Variants in TENM2 observed in about 807,000 individuals in gnomAD.
TENM2 encodes teneurin transmembrane protein 2.
A neutral mutation model predicts 245.2 loss-of-function variants in TENM2; 52 were observed. The observed-to-expected ratio is 0.21, with a 90% CI of 0.17 to 0.27. TENM2 has a LOEUF of 0.27. TENM2 is among the 10% of genes least tolerant of loss of function. TENM2 has a pLI of 1.00. For synonymous variants in TENM2, 1,363 were observed against 1,438.9 expected (o/e 0.95, Z 1.19); for missense variants, 3,046 against 3,666.8 (o/e 0.83, Z 4.37).
In TENM2 at chr5:167,840,555, C is replaced by T. The variant is rs144109815; in HGVS notation, c.503-35431C>T. On this transcript the variant is annotated intron_variant, in intron 2 of 28. Transcript: ENST00000518659. ...CTCCCCTCCTTCCTCCCCCAGCCCCCCACAATGTTAACTGAGAACCTGATA... is the reference window on the plus strand; with the variant it reads ...CTCCCCTCCTTCCTCCCCCAGCCCCTCACAATGTTAACTGAGAACCTGATA... Among the ~76,000 whole-genome samples, 239 of 152,194 alleles carry T rather than the reference C, an allele frequency of 1.6e-3. 1 individual carries two copies. The highest frequency in any genetic ancestry group is 4.9e-3 in the African/African-American group (205 of 41,504).
chr5:167,992,824 G>T (rs765228454), intron 4 of TENM2, 120 bp from the exon 7 acceptor site: 13 of 710,554 alleles, frequency 1.8e-5, no homozygotes, highest in Non-Finnish European at 3.1e-5. Context: ...TTCCACTCCA[G>T]GGTAAGCTTA....
At chr5:167,701,402 T>C (rs1031345008) in intron 2 of TENM2, among the ~76,000 whole-genome samples, 1 of 152,046 alleles carries the variant, frequency 6.6e-6, no homozygotes, top group Non-Finnish European at 1.5e-5. Flanking sequence ...TGTTTGTTTT[T>C]TTTTTTTACA....
chr5:168,005,110 A>G (rs2152057547), intron 5 of TENM2, among the ~76,000 whole-genome samples: 1 of 152,286 alleles, frequency 6.6e-6, no homozygotes, highest in East Asian at 1.9e-4. Flanking sequence ...TTTCTTCAAA[A>G]CTATCAGGAA....
At chr5:167,206,705 T>C in the TENM2 span, among the ~76,000 whole-genome samples, 2 of 152,210 alleles carry the variant, frequency 1.3e-5, no homozygotes, top group Non-Finnish European at 2.9e-5. Context: ...CAGGTTTGGA[T>C]ATATTTTTAA....
At chr5:167,248,357 G>A in the TENM2 span, among the ~76,000 whole-genome samples, 1 of 152,164 alleles carries the variant, frequency 6.6e-6, no homozygotes, top group African/African-American at 2.4e-5. Flanking sequence ...TCACTTCTAA[G>A]GGTAGTGGTT....
At chr5:167,958,151 G>C (rs1440868384) in intron 4 of TENM2, among the ~76,000 whole-genome samples, 2 of 152,146 alleles carry the variant, frequency 1.3e-5, no homozygotes, top group African/African-American at 4.8e-5. Flanking sequence ...ATGAATCTGG[G>C]TGCTCCTGTA....
At chr5:167,547,491 G>A (rs1408552816) in intron 2 of TENM2, among the ~76,000 whole-genome samples, 3 of 152,164 alleles carry the variant, frequency 2.0e-5, no homozygotes, top group African/African-American at 7.2e-5. Flanking sequence ...TTTGTTTTTC[G>A]AAATATTTTG....
At chr5:167,650,954 C>G (rs75979397) in intron 2 of TENM2, among the ~76,000 whole-genome samples, 4,879 of 152,200 alleles carry the variant, frequency 0.032, 142 homozygotes, top group Non-Finnish European at 0.049. Flanking sequence ...GGAGTCACAA[C>G]TTCTACATAT....
intron 3 of TENM2, among the ~76,000 whole-genome samples, chr5:167,881,162 T>C (rs1248200306): frequency 1.3e-5 from 2 of 152,232 alleles, no homozygotes; most frequent in Non-Finnish European, 1.5e-5. Context: ...TGAGATATTG[T>C]AAATTTTCTT....
chr5:167,062,056 C>T, the TENM2 span, among the ~76,000 whole-genome samples: 1 of 151,906 alleles, frequency 6.6e-6, no homozygotes, highest in East Asian at 1.9e-4. Context: ...GGCTTCATGG[C>T]ACTTAGTAAT....
chr5:168,260,184 C>T, intron 27 of TENM2, 99 bp from the exon 30 acceptor site: 1 of 1,361,078 alleles, frequency 7.3e-7, no homozygotes, highest in Non-Finnish European at 1.0e-6. Flanking sequence ...TTGGGCCCTA[C>T]ACCCAACCAC....
intron 5 of TENM2, among the ~76,000 whole-genome samples, chr5:168,007,405 A>C (rs1403653125): frequency 6.6e-6 from 1 of 152,198 alleles, no homozygotes; most frequent in African/African-American, 2.4e-5. Context: ...CTGGGATTCC[A>C]GGTGTGAGCC....
chr5:168,114,266 A>C (rs1214224779), intron 9 of TENM2, among the ~76,000 whole-genome samples: 3 of 152,168 alleles, frequency 2.0e-5, no homozygotes, highest in Non-Finnish European at 4.4e-5. Context: ...TCTTGCCAAA[A>C]TCCACAGCTG....
At chr5:167,653,507 T>A (rs1017406222) in intron 2 of TENM2, 5 of 152,212 alleles carry the variant, frequency 3.3e-5, no homozygotes, top group African/African-American at 4.8e-5. Flanking sequence ...TATCTCATAT[T>A]TCCCACTTTT....
At chr5:167,650,862 G>C (rs1392819101) in intron 2 of TENM2, among the ~76,000 whole-genome samples, 2 of 152,242 alleles carry the variant, frequency 1.3e-5, no homozygotes, top group South Asian at 2.1e-4. Context: ...ACCAATGCAT[G>C]TAAACAGTCT....
chr5:167,035,692 A>G, the TENM2 span, among the ~76,000 whole-genome samples: 1 of 152,216 alleles, frequency 6.6e-6, no homozygotes, highest in Non-Finnish European at 1.5e-5. Context: ...AAGTGGGAAA[A>G]GGGGAGACAG....
At chr5:167,278,816 T>C in the TENM2 span, among the ~76,000 whole-genome samples, 1 of 152,228 alleles carries the variant, frequency 6.6e-6, no homozygotes, top group Non-Finnish European at 1.5e-5. Flanking sequence ...CAAAAAATTC[T>C]TAAAAACTCA....
chr5:167,160,603 C>G, the TENM2 span, among the ~76,000 whole-genome samples: 1 of 152,262 alleles, frequency 6.6e-6, no homozygotes, highest in Non-Finnish European at 1.5e-5. Flanking sequence ...CAGGCCTCAG[C>G]TTAATTGTCA....
At chr5:167,651,366 G>C (rs1754450638) in intron 2 of TENM2, among the ~76,000 whole-genome samples, 1 of 151,690 alleles carries the variant, frequency 6.6e-6, no homozygotes, top group South Asian at 2.1e-4. Context: ...AAATTAGTGT[G>C]CAAGGTATTT....
Sources: gnomAD v4.1 joint callset for allele counts (sites outside exome capture counted in the v4.1 genomes callset) on GRCh38, gnomAD v4.1.1 for gene constraint, MANE v1.5 for transcripts, NCBI Gene and HGNC (gene_info 2026-07-23, HGNC 2026-07-21) for gene names.